The following EPB41L4A variants were observed in gnomAD, a reference collection of about 807,000 sequenced individuals.
EPB41L4A encodes erythrocyte membrane protein band 4.1 like 4A, also known as band 4.1-like protein 4A.
Under a neutral mutation model 108.6 loss-of-function variants are expected in EPB41L4A, and 100 were observed. The observed-to-expected ratio is 0.92, with a 90% confidence interval of 0.78 to 1.09. The LOEUF (loss-of-function observed/expected upper bound fraction) is 1.09. EPB41L4A is among the 50% of genes least tolerant of loss of function. The probability of loss-of-function intolerance (pLI) is 0.00; values close to 1 mark genes in which losing one functional copy is unlikely to be tolerated. For synonymous variants in EPB41L4A, 319 were observed against 289.0 expected (o/e 1.10, Z -1.05); for missense variants, 1,030 against 842.7 (o/e 1.22, Z -2.75).
intron 12 of EPB41L4A, among the ~76,000 whole-genome samples, chr5:112,231,710 G>A (rs113981699): frequency 0.096 from 14,197 of 147,452 alleles, 931 homozygotes; most frequent in Non-Finnish European, 0.15. Context: ...GCGTGAACCC[G>A]GGAGGCGGAG....
At chr5:112,175,074 C>T (rs1760792979) in intron 18 of EPB41L4A, 1 of 152,306 alleles carries the variant, frequency 6.6e-6, no homozygotes, top group Non-Finnish European at 1.5e-5. Context: ...TCACCTAACA[C>T]ACCAGACTTA....
intron 1 of EPB41L4A, among the ~76,000 whole-genome samples, chr5:112,412,515 A>T (rs1250665397): frequency 6.6e-6 from 1 of 152,196 alleles, no homozygotes; most frequent in Non-Finnish European, 1.5e-5. Flanking sequence ...TGGTATAGAC[A>T]CTCTAAATTG....
intron 1 of EPB41L4A, among the ~76,000 whole-genome samples, chr5:112,396,260 A>T (rs924153386): frequency 7.2e-5 from 11 of 152,104 alleles, no homozygotes; most frequent in Admixed American, 2.6e-4. Context: ...AAAAAAAATT[A>T]AAAAAAAGAA....
chr5:112,217,042 T>A (rs1425418204), intron 12 of EPB41L4A, among the ~76,000 whole-genome samples: 1 of 152,038 alleles, frequency 6.6e-6, no homozygotes, highest in South Asian at 2.1e-4. Flanking sequence ...TCTCCCAGGT[T>A]CAAGCGATTC....
intron 1 of EPB41L4A, among the ~76,000 whole-genome samples, chr5:112,336,906 A>T (rs779988351): frequency 6.6e-6 from 1 of 152,214 alleles, no homozygotes; most frequent in East Asian, 1.9e-4. Context: ...GCATCTTTTC[A>T]TTAGAGACTT....
At chr5:112,391,686 A>G (rs141141490) in intron 1 of EPB41L4A, among the ~76,000 whole-genome samples, 6,809 of 152,254 alleles carry the variant, frequency 0.045, 314 homozygotes, top group African/African-American at 0.12. Context: ...AACTTTCCCA[A>G]CCTAGCAAGG....
At position 112,337,488 on chromosome 5, in the gene EPB41L4A, T is replaced by A. The variant is rs75175092; in HGVS notation, c.100-29998A>T. On this transcript the variant is annotated intron_variant, in intron 1 of 22. Transcript: ENST00000261486. ...CTGTTTGAACTGTTTCCATGCAGTATCTCAGTCATCACAAGATCCCCACAG... is the reference window on the plus strand; with the variant it reads ...CTGTTTGAACTGTTTCCATGCAGTAACTCAGTCATCACAAGATCCCCACAG... Among the ~76,000 whole-genome samples the A allele has an allele frequency of 1.2e-3, 177 of 152,294 alleles. 1 individual carries two copies. Among genetic ancestry groups the A allele is most frequent in the Non-Finnish European group, 2.0e-3 (133 of 68,014 alleles).
At chr5:112,222,594 T>A (rs1349742043) in intron 12 of EPB41L4A, among the ~76,000 whole-genome samples, 1 of 152,188 alleles carries the variant, frequency 6.6e-6, no homozygotes, top group Non-Finnish European at 1.5e-5. Flanking sequence ...TCCCCTCTCT[T>A]CTCAAAGCTG....
chr5:112,270,856 T>G (rs969116318), intron 4 of EPB41L4A, among the ~76,000 whole-genome samples: 1 of 152,228 alleles, frequency 6.6e-6, no homozygotes, highest in Non-Finnish European at 1.5e-5. Flanking sequence ...TGAAATATTA[T>G]TTTAAAAGCT....
intron 1 of EPB41L4A, among the ~76,000 whole-genome samples, chr5:112,317,034 A>C (rs1357215112): frequency 6.6e-6 from 1 of 152,192 alleles, no homozygotes; most frequent in Non-Finnish European, 1.5e-5. Context: ...CTATTGATCA[A>C]AGCAAGTCAC....
At chr5:112,245,948 C>G (rs1402598515) in intron 9 of EPB41L4A, among the ~76,000 whole-genome samples, 1 of 152,154 alleles carries the variant, frequency 6.6e-6, no homozygotes, top group Non-Finnish European at 1.5e-5. Context: ...AGGAGGTTAC[C>G]ACATTTCACG....
At chr5:112,193,205 C>T (rs947752010) in intron 17 of EPB41L4A, among the ~76,000 whole-genome samples, 1 of 152,232 alleles carries the variant, frequency 6.6e-6, no homozygotes, top group African/African-American at 2.4e-5. Context: ...TAGAGGATCA[C>T]TGATTCAATT....
intron 9 of EPB41L4A, among the ~76,000 whole-genome samples, chr5:112,245,642 G>A (rs1310185001): frequency 6.6e-6 from 1 of 152,144 alleles, no homozygotes; most frequent in Non-Finnish European, 1.5e-5. Context: ...CAAGGGAATA[G>A]ACAATAAGTT....
intron 1 of EPB41L4A, among the ~76,000 whole-genome samples, chr5:112,338,059 T>A (rs1757040010): frequency 6.6e-6 from 1 of 152,126 alleles, no homozygotes; most frequent in Non-Finnish European, 1.5e-5. Context: ...CTTCTTCCCA[T>A]CCACATCCCT....
At chr5:112,355,808 C>T (rs1280097039) in intron 1 of EPB41L4A, among the ~76,000 whole-genome samples, 1 of 152,134 alleles carries the variant, frequency 6.6e-6, no homozygotes, top group Non-Finnish European at 1.5e-5. Context: ...TTTGCTTTTA[C>T]TGCCTCAGAG....
chr5:112,237,140 TG>T (rs1749399030), intron 11 of EPB41L4A, among the ~76,000 whole-genome samples: 1 of 152,180 alleles, frequency 6.6e-6, no homozygotes, highest in South Asian at 2.1e-4. Flanking sequence ...AAGGTTAATT[TG>T]TAAGGGGCTC....
chr5:112,148,593 GAA>G (rs914416962), intron 12 of EPB41L4A, among the ~76,000 whole-genome samples: 15 of 152,080 alleles, frequency 9.9e-5, no homozygotes, highest in Non-Finnish European at 1.8e-4. Context: ...CAAAAGGGAA[GAA>G]AAGTCTCTGT....
chr5:112,401,702 C>G (rs1006581735), intron 1 of EPB41L4A, among the ~76,000 whole-genome samples: 3 of 152,120 alleles, frequency 2.0e-5, no homozygotes, highest in African/African-American at 7.2e-5. Context: ...ACAATGTAAC[C>G]CAAGAAATGC....
chr5:112,238,659 ATC>A (rs1749538432), intron 11 of EPB41L4A, among the ~76,000 whole-genome samples: 1 of 152,160 alleles, frequency 6.6e-6, no homozygotes, highest in Non-Finnish European at 1.5e-5. Context: ...AAAGTGTCCC[ATC>A]TCTGTGACAC....
Sources: allele counts gnomAD v4.1 joint callset (sites outside exome capture counted in the v4.1 genomes callset), GRCh38; gene constraint gnomAD v4.1.1; transcripts MANE v1.5; gene names NCBI Gene and HGNC (gene_info 2026-07-23, HGNC 2026-07-21).